The following ARID1B variants were observed in gnomAD, a reference collection of about 807,000 sequenced individuals.
ARID1B encodes the protein AT-rich interaction domain 1B.
A neutral mutation model predicts 212.3 loss-of-function variants in ARID1B; 30 were observed. That is an observed-to-expected ratio of 0.14 (90% CI 0.11 to 0.19). The LOEUF (loss-of-function observed/expected upper bound fraction) is 0.19. ARID1B is among the 10% of genes least tolerant of loss of function. The pLI is 1.00. For missense variants in ARID1B, 2,891 were observed against 3,204.0 expected, an observed-to-expected ratio of 0.90 and a Z score of 2.36; for synonymous variants, 1,402 against 1,301.7, an observed-to-expected ratio of 1.08 and a Z score of -1.66.
chr6:157,032,359 T>C (rs147420458), intron 4 of ARID1B, among the ~76,000 whole-genome samples: 58 of 152,372 alleles, frequency 3.8e-4, no homozygotes, highest in African/African-American at 1.2e-3. Context: ...TTGTACGTTT[T>C]TTTCTAATAT....
At chr6:156,891,936 A>G (rs1787957738) in intron 2 of ARID1B, among the ~76,000 whole-genome samples, 2 of 148,798 alleles carry the variant, frequency 1.3e-5, no homozygotes, top group East Asian at 2.0e-4. Flanking sequence ...CAATGGCGCA[A>G]TTTCGGCTCA....
In ARID1B at chr6:157,021,415, G is replaced by A. The variant is rs190834409; in HGVS notation, c.2248-63247G>A. ...GGAGGCGCTGGGCGAGGATGAGGGC[G>A]GCGAGCGCGGAGGGGACCGAGTCAC... On this transcript the variant is annotated intron_variant, in intron 4 of 19. Coordinates refer to ENST00000636930, the MANE Select transcript of ARID1B (RefSeq NM_001374828.1). Among the ~76,000 whole-genome samples, 325 of 152,312 alleles carry A rather than the reference G, an allele frequency of 2.1e-3. 2 individuals are homozygous for A. Among genetic ancestry groups the A allele is most frequent in the African/African-American group, 7.5e-3 (311 of 41,580 alleles).
rs574696744 is a variant in ARID1B, at chr6:157,200,395, G to A, written c.4480-310G>A. Among the ~76,000 whole-genome samples the A allele has an allele frequency of 1.4e-4, 22 of 152,110 alleles. No homozygotes were observed. The highest frequency in any genetic ancestry group is 2.1e-4 in the South Asian group (1 of 4,804). Reference sequence around the variant, plus strand: ...TAGTGCAGCTCCCAGCCCGGGAGCCGTCTGCCTGTGTGGGAGTTGAACGCT... The same window carrying A: ...TAGTGCAGCTCCCAGCCCGGGAGCCATCTGCCTGTGTGGGAGTTGAACGCT... On this transcript the variant is annotated intron_variant, in intron 17 of 19. Transcript: ENST00000636930. This position sits in a 1 kb window ranked among gnomAD's most constrained non-coding sequence, Gnocchi z 4.3.
Position 156,778,239 on chromosome 6 carries a change from C to A in ARID1B, c.559C>A (p.His187Asn), listed in dbSNP as rs2114967216. ...HHHAHHLHHH[H>N]ALQQQLNQFQ... ...CCATGCCCACCACCTCCACCACCAC[C>A]ACGCACTACAGCAGCAGCTAAACCA... is the stretch of plus-strand genomic sequence containing the variant. The change falls in exon 1 of 20, where the codon CAC becomes AAC. Residue 187 changes from histidine to asparagine, a missense_variant. By Grantham distance (68) the His-to-Asn change is moderately conservative. This residue lies in a region of ARID1B where 1,643 missense variants were observed against 1,544.0 expected (regional missense o/e 1.06). Transcript: ENST00000636930. 6.5e-7 allele frequency: 1 copy of A among 1,541,502 alleles called. No homozygotes were observed.
At chr6:157,160,429 C>T (rs951790324) in intron 8 of ARID1B, among the ~76,000 whole-genome samples, 1 of 152,188 alleles carries the variant, frequency 6.6e-6, no homozygotes, top group African/African-American at 2.4e-5. Flanking sequence ...TCACCAAATC[C>T]TGTCCGTTTC....
rs374835455 is a variant in ARID1B, at chr6:157,198,868, G to A, written c.4440G>A (p.Pro1480=). Residue 1480 remains proline, a synonymous_variant, in exon 17 of 20, where the codon CCG becomes CCA. Transcript: ENST00000636930. ...PGQGPPSGQP[P]YGGHQPGLYP... is the part of the protein sequence containing the mutation. ...AAGGCCCTCCCTCGGGACAGCCGCCGTATGGAGGGCACCAGCCCGGCCTGT... is the reference window on the plus strand; with the variant it reads ...AAGGCCCTCCCTCGGGACAGCCGCCATATGGAGGGCACCAGCCCGGCCTGT... The A allele has an allele frequency of 5.7e-5, 92 of 1,610,870 alleles. No individual in the cohort carries two copies. The highest frequency in any genetic ancestry group is 2.5e-4 in the Admixed American group (15 of 59,802).
At chr6:157,128,515 C>T (rs917414899) in intron 6 of ARID1B, among the ~76,000 whole-genome samples, 2 of 152,204 alleles carry the variant, frequency 1.3e-5, no homozygotes, top group Admixed American at 1.3e-4. Flanking sequence ...GATACCCTGT[C>T]TCAAAAAGAA....
Position 157,179,002 on chromosome 6 carries a change from C to T in ARID1B, c.3505-1967C>T, listed in dbSNP as rs531254596. On this transcript the variant is annotated intron_variant, in intron 11 of 19. Transcript: ENST00000636930. ...AATTGAAATGATTGCCTTTATTTGT[C>T]TTATCTTTAAACTGAATCTCAAACT... Among the ~76,000 whole-genome samples the T allele has an allele frequency of 2.6e-5, 4 of 152,270 alleles. No individual in the cohort carries two copies. In the East Asian group the frequency reaches 7.7e-4, roughly 29 times the overall value.
intron 13 of ARID1B, among the ~76,000 whole-genome samples, chr6:157,188,962 C>T (rs1052759790): frequency 2.0e-5 from 3 of 152,150 alleles, no homozygotes; most frequent in African/African-American, 7.2e-5. Flanking sequence ...AGCCAAATCT[C>T]AGCACCCTGA....
intron 4 of ARID1B, among the ~76,000 whole-genome samples, chr6:157,071,000 G>C (rs1023600226): frequency 2.0e-5 from 3 of 152,184 alleles, no homozygotes; most frequent in Non-Finnish European, 2.9e-5. Context: ...ACTGGCACTC[G>C]TGCAGCTCGG....
intron 1 of ARID1B, among the ~76,000 whole-genome samples, chr6:156,806,354 A>G (rs1781154963): frequency 6.6e-6 from 1 of 152,178 alleles, no homozygotes; most frequent in Non-Finnish European, 1.5e-5. Flanking sequence ...AACAGGTTCT[A>G]CCTCTGGCTT....
chr6:157,204,403 T>A (rs1478336411), intron 19 of ARID1B: 1 of 156,686 alleles, frequency 6.4e-6, no homozygotes, highest in Admixed American at 6.2e-5. Flanking sequence ...CAGGAGGACT[T>A]GACATCTTCT....
chr6:156,788,344 A>G (rs1334894442), intron 1 of ARID1B, among the ~76,000 whole-genome samples: 1 of 152,072 alleles, frequency 6.6e-6, no homozygotes, highest in Non-Finnish European at 1.5e-5. Context: ...CTTGCTCAGC[A>G]GTTGTATAAA....
rs1778968749 is a variant in ARID1B at position 156,779,091 on chromosome 6, G to A, written c.1411G>A (p.Ala471Thr). 2.4e-6 allele frequency: 3 copies of A among 1,224,824 alleles called. No homozygotes were observed. Among genetic ancestry groups the A allele is most frequent in the South Asian group, 3.4e-5 (1 of 29,210 alleles). 75.9% of individuals were successfully genotyped at this position (1,224,824 alleles called of 1,614,324 possible). A position where few individuals can be genotyped will look rare whatever the true frequency, so the allele number is the denominator to read the frequency against. The change falls in exon 1 of 20, where the codon GCG becomes ACG. Residue 471 changes from alanine (A) to threonine (T), a missense_variant. Coordinates refer to ENST00000636930, the MANE Select transcript of ARID1B (RefSeq NM_001374828.1). ...MMMGPGGGGA[A>T]SLSKAAAGSA... Reference sequence around the variant, plus strand: ...GATGGGCCCCGGGGGCGGCGGGGCCGCGAGCCTCAGCAAGGCGGCCGCCGG... The same window carrying A: ...GATGGGCCCCGGGGGCGGCGGGGCCACGAGCCTCAGCAAGGCGGCCGCCGG...
At chr6:157,121,712 A>G (rs150581059) in intron 6 of ARID1B, among the ~76,000 whole-genome samples, 1,755 of 144,224 alleles carry the variant, frequency 0.012, 33 homozygotes, top group African/African-American at 0.044. Context: ...GCTCACTGCA[A>G]CCTCCACCTC....
intron 2 of ARID1B, among the ~76,000 whole-genome samples, chr6:156,866,248 T>C (rs1213425673): frequency 7.7e-4 from 118 of 152,280 alleles, no homozygotes; most frequent in Non-Finnish European, 1.0e-4. Flanking sequence ...AGCCCCTCTT[T>C]TGCTCTTCTA....
chr6:157,194,668 TTAA>T (rs1793598629), intron 15 of ARID1B: 2 of 152,358 alleles, frequency 1.3e-5, no homozygotes, highest in Admixed American at 1.3e-4. Flanking sequence ...TCTTAACTCC[TTAA>T]TAATTTTTTT....
intron 2 of ARID1B, among the ~76,000 whole-genome samples, chr6:156,841,058 TA>T: frequency 6.6e-6 from 1 of 152,270 alleles, no homozygotes; most frequent in East Asian, 1.9e-4. Context: ...GTTTTTCTGT[TA>T]GGGATTTGCT....
At chr6:157,153,021 T>A (rs1348358966) in intron 8 of ARID1B, among the ~76,000 whole-genome samples, 1 of 152,178 alleles carries the variant, frequency 6.6e-6, no homozygotes, top group Non-Finnish European at 1.5e-5. Context: ...GAATGCTCAT[T>A]GTAAAAATGA....
Sources: allele counts gnomAD v4.1 joint callset (sites outside exome capture counted in the v4.1 genomes callset), GRCh38; gene constraint gnomAD v4.1.1; regional missense constraint gnomAD v4.1.1; non-coding constraint Gnocchi (gnomAD v3.1); transcripts MANE v1.5; gene names NCBI Gene and HGNC (gene_info 2026-07-23, HGNC 2026-07-21).